EMCN: variants seen among roughly 807,000 people sequenced by gnomAD.
EMCN encodes endomucin.
EMCN carries 37 observed loss-of-function variants against 38.4 expected under a neutral mutation model. The ratio of observed to expected loss-of-function variants is 0.96; its 90% CI spans 0.74 to 1.27. The LOEUF is 1.27. Among genes scored for constraint, EMCN ranks in the 50% most tolerant of loss-of-function variants. The pLI is 0.00. For synonymous variants in EMCN, 95 were observed against 100.8 expected (o/e 0.94, Z 0.35); for missense variants, 318 against 302.8 (o/e 1.05, Z -0.37).
intron 8 of EMCN, among the ~76,000 whole-genome samples, chr4:100,420,345 A>G (rs527261174): frequency 3.1e-4 from 47 of 152,172 alleles, no homozygotes; most frequent in African/African-American, 1.1e-3. Flanking sequence ...AAAAAGATAC[A>G]GTAAATTTGT....
At chr4:100,421,636 A>T (rs1726891968) in intron 7 of EMCN, among the ~76,000 whole-genome samples, 1 of 152,048 alleles carries the variant, frequency 6.6e-6, no homozygotes, top group African/African-American at 2.4e-5. Flanking sequence ...CTTCCTGGAG[A>T]CTGAAGAAGT....
intron 2 of EMCN, 78 bp downstream of exon 2, chr4:100,479,839 T>C (rs1400824711): frequency 8.3e-7 from 1 of 1,200,556 alleles, no homozygotes; most frequent in African/African-American, 1.6e-5. Flanking sequence ...CCCGAATTAT[T>C]TTTTCATACT....
At chr4:100,463,384 C>A (rs542131977) in intron 4 of EMCN, among the ~76,000 whole-genome samples, 43 of 152,228 alleles carry the variant, frequency 2.8e-4, no homozygotes, top group African/African-American at 1.0e-3. Context: ...ATTCCCGTAG[C>A]TAACTCTGCT....
At chr4:100,402,389 C>A (rs1189658345) in intron 11 of EMCN, among the ~76,000 whole-genome samples, 1 of 152,100 alleles carries the variant, frequency 6.6e-6, no homozygotes, top group Admixed American at 6.6e-5. Flanking sequence ...TTTTTAACTT[C>A]TTTCCTGAAA....
chr4:100,511,317 C>T (rs1026398886), intron 1 of EMCN, among the ~76,000 whole-genome samples: 1 of 152,078 alleles, frequency 6.6e-6, no homozygotes, highest in Non-Finnish European at 1.5e-5. Flanking sequence ...GTGTAAAGTG[C>T]CTGGCACAAT....
chr4:100,419,145 T>C (rs371761869), intron 8 of EMCN, among the ~76,000 whole-genome samples: 5 of 152,248 alleles, frequency 3.3e-5, no homozygotes, highest in Admixed American at 2.6e-4. Context: ...GCCAACAGAC[T>C]ATTTTCTGCG....
At chr4:100,457,813 T>C (rs949855046) in intron 4 of EMCN, among the ~76,000 whole-genome samples, 11 of 152,116 alleles carry the variant, frequency 7.2e-5, no homozygotes, top group Admixed American at 7.2e-4. Context: ...TTTAGTCTCA[T>C]AGAATGCATT....
intron 1 of EMCN, among the ~76,000 whole-genome samples, chr4:100,506,578 A>T (rs1729485589): frequency 6.6e-6 from 1 of 152,210 alleles, no homozygotes; most frequent in Non-Finnish European, 1.5e-5. Context: ...TTTGTCAAAA[A>T]AAAAACCCTG....
chr4:100,426,998 AT>A (rs934747580), intron 5 of EMCN, among the ~76,000 whole-genome samples: 14 of 149,238 alleles, frequency 9.4e-5, no homozygotes, highest in Admixed American at 2.7e-4. Flanking sequence ...TCCCTCCCCA[AT>A]TTTTTTTTTA....
chr4:100,423,424 G>A lies in EMCN; in HGVS notation c.416-20C>T. 1.3e-6 allele frequency: 2 copies of A among 1,531,844 alleles called. No individual in the cohort carries two copies. Among genetic ancestry groups the A allele is most frequent in the South Asian group, 1.1e-5 (1 of 89,416 alleles). The allele number at this position is 1,531,844 out of a possible 1,614,324, so 94.9% of individuals were successfully genotyped here. A position where few individuals can be genotyped will look rare whatever the true frequency, so the allele number is the denominator to read the frequency against. Reference sequence around the variant, plus strand: ...CACTACCTGTATGAAAATTACAAATGCAGAATCAGGCTATGGTATTAAGCC... The same window carrying A: ...CACTACCTGTATGAAAATTACAAATACAGAATCAGGCTATGGTATTAAGCC... On this transcript the variant is annotated intron_variant, in intron 5 of 11. Coordinates refer to ENST00000296420, the MANE Select transcript of EMCN (RefSeq NM_016242.4).
intron 4 of EMCN, among the ~76,000 whole-genome samples, chr4:100,448,970 G>A (rs997125449): frequency 1.3e-5 from 2 of 151,748 alleles, no homozygotes; most frequent in African/African-American, 4.8e-5. Flanking sequence ...CCATCTCATT[G>A]CTTCATTCAT....
At chr4:100,426,442 C>T (rs982107296) in intron 5 of EMCN, among the ~76,000 whole-genome samples, 7 of 152,114 alleles carry the variant, frequency 4.6e-5, no homozygotes, top group African/African-American at 1.7e-4. Context: ...CATCCCCGTT[C>T]TCTCTCCCTA....
intron 4 of EMCN, among the ~76,000 whole-genome samples, chr4:100,459,558 A>G (rs1466248352): frequency 6.6e-6 from 1 of 152,082 alleles, no homozygotes; most frequent in African/African-American, 2.4e-5. Context: ...TTTGACCAAC[A>G]TCTTCTCATT....
At chr4:100,508,925 A>G (rs1224571845) in intron 1 of EMCN, among the ~76,000 whole-genome samples, 2 of 152,236 alleles carry the variant, frequency 1.3e-5, no homozygotes, top group African/African-American at 2.4e-5. Flanking sequence ...CAACCAAACG[A>G]GTATTCCAAA....
chr4:100,451,871 T>G (rs1387776462), intron 4 of EMCN, among the ~76,000 whole-genome samples: 1 of 152,028 alleles, frequency 6.6e-6, no homozygotes, highest in African/African-American at 2.4e-5. Context: ...CTTTATATGA[T>G]TTATCTCCCT....
chr4:100,470,378 T>TAAAAAAA (rs34533710), intron 3 of EMCN, among the ~76,000 whole-genome samples: 127 of 145,670 alleles, frequency 8.7e-4, no homozygotes, highest in African/African-American at 3.1e-3. Flanking sequence ...ACTAAAATGT[T>TAAAAAAA]AAAAAAAAAA....
At chr4:100,512,699 G>T (rs1729657509) in intron 1 of EMCN, among the ~76,000 whole-genome samples, 1 of 151,910 alleles carries the variant, frequency 6.6e-6, no homozygotes, top group South Asian at 2.1e-4. Flanking sequence ...CCAGCTACTT[G>T]GGAGGCTGAG....
chr4:100,419,418 T>A (rs574667650), intron 8 of EMCN, among the ~76,000 whole-genome samples: 4 of 152,248 alleles, frequency 2.6e-5, no homozygotes, highest in Admixed American at 2.6e-4. Flanking sequence ...TTTGGCTAAT[T>A]GTACAATTGC....
chr4:100,495,890 T>A (rs1729194589), intron 1 of EMCN, among the ~76,000 whole-genome samples: 1 of 152,102 alleles, frequency 6.6e-6, no homozygotes, highest in African/African-American at 2.4e-5. Flanking sequence ...CATCAAAATA[T>A]TAGGATTATT....
Sources: allele counts gnomAD v4.1 joint callset (sites outside exome capture counted in the v4.1 genomes callset), GRCh38; gene constraint gnomAD v4.1.1; transcripts MANE v1.5; gene names NCBI Gene and HGNC (gene_info 2026-07-23, HGNC 2026-07-21).